The following LRP1B variants were observed in gnomAD, a reference collection of about 807,000 sequenced individuals.
The protein encoded by LRP1B is LDL receptor related protein 1B, also known as low-density lipoprotein receptor-related protein 1B.
Under a neutral mutation model 556.6 loss-of-function variants are expected in LRP1B, and 217 were observed. That is an observed-to-expected ratio of 0.39 (90% CI 0.35 to 0.44). The LOEUF (loss-of-function observed/expected upper bound fraction) is 0.44. LRP1B is among the 20% of genes least tolerant of loss of function. The pLI is 1.00. For synonymous variants in LRP1B, 2,047 were observed against 1,865.8 expected (o/e 1.10, Z -2.50); for missense variants, 5,053 against 5,620.8 (o/e 0.90, Z 3.23).
intron 1 of LRP1B, among the ~76,000 whole-genome samples, chr2:141,884,490 A>T (rs1013582039): frequency 2.6e-5 from 4 of 152,184 alleles, no homozygotes; most frequent in Non-Finnish European, 4.4e-5. Context: ...ACCAAACGAA[A>T]TATGTGCTAC....
intron 62 of LRP1B, among the ~76,000 whole-genome samples, chr2:140,456,216 G>A (rs1440208220): frequency 6.6e-6 from 1 of 152,038 alleles, no homozygotes. Context: ...TATTTATGTG[G>A]ATCTGTGAAA....
At chr2:141,767,867 A>C (rs1421058285) in intron 2 of LRP1B, among the ~76,000 whole-genome samples, 1 of 152,164 alleles carries the variant, frequency 6.6e-6, no homozygotes, top group Non-Finnish European at 1.5e-5. Context: ...GAATCAAAAG[A>C]AGCTAATTTG....
At position 141,247,227 on chromosome 2, in the gene LRP1B, A is replaced by G. The variant is rs781409165; in HGVS notation, c.591T>C (p.Ile197=). ...QPDNRSCKAK[I]EPTDRPPILL... is the part of the protein sequence containing the mutation. ...AAAAAATAAATGGTCATAACTTACC[A>G]ATTTTAGCCTTGCAAGATCTGTTGT... Residue 197 remains isoleucine (I), a splice_region_variant and synonymous_variant, in exon 5 of 91, where the codon ATT becomes ATC. Coordinates refer to ENST00000389484, the MANE Select transcript of LRP1B (RefSeq NM_018557.3). 6.2e-7 allele frequency: 1 copy of G among 1,613,548 alleles called. No homozygotes were observed. Among genetic ancestry groups the G allele is most frequent in the African/African-American group, 1.3e-5 (1 of 74,910 alleles).
At chr2:140,595,111 T>C (rs1309287110) in intron 43 of LRP1B, among the ~76,000 whole-genome samples, 1 of 77,594 alleles carries the variant, frequency 1.3e-5, no homozygotes, top group Admixed American at 1.3e-4. Flanking sequence ...TATATATATA[T>C]ATATATATAT....
At chr2:140,784,729 TA>T (rs57607357) in intron 32 of LRP1B, among the ~76,000 whole-genome samples, 64,110 of 150,600 alleles carry the variant, frequency 0.43, 15,153 homozygotes, top group East Asian at 0.58. Flanking sequence ...GAAGAAAAGG[TA>T]AAAAAAAAAA....
chr2:141,390,897 T>A (rs1690026132), intron 3 of LRP1B, among the ~76,000 whole-genome samples: 1 of 152,146 alleles, frequency 6.6e-6, no homozygotes, highest in Admixed American at 6.6e-5. Flanking sequence ...TTTAAAATAA[T>A]TTTACGTTAT....
intron 6 of LRP1B, among the ~76,000 whole-genome samples, chr2:141,220,670 C>T (rs1357431423): frequency 1.3e-5 from 2 of 150,018 alleles, no homozygotes; most frequent in Non-Finnish European, 3.0e-5. Flanking sequence ...GAGAGAAAGG[C>T]CAGGTCACCT....
chr2:141,754,045 C>T (rs1389125001), intron 2 of LRP1B, among the ~76,000 whole-genome samples: 2 of 152,150 alleles, frequency 1.3e-5, no homozygotes, highest in African/African-American at 2.4e-5. Flanking sequence ...CTAGCATGCC[C>T]TGTACTATTG....
chr2:140,805,848 T>G (rs538268860), intron 32 of LRP1B, among the ~76,000 whole-genome samples: 1 of 152,262 alleles, frequency 6.6e-6, no homozygotes, highest in South Asian at 2.1e-4. Flanking sequence ...TATGTGCTTG[T>G]GTACGTATGT....
At chr2:141,730,591 T>C (rs1341853217) in intron 2 of LRP1B, among the ~76,000 whole-genome samples, 1 of 152,162 alleles carries the variant, frequency 6.6e-6, no homozygotes, top group East Asian at 1.9e-4. Context: ...AGCTACCTAT[T>C]ATACTAGTTG....
chr2:141,418,005 CTA>C (rs1339922907), intron 3 of LRP1B, among the ~76,000 whole-genome samples: 1 of 152,102 alleles, frequency 6.6e-6, no homozygotes, highest in African/African-American at 2.4e-5. Context: ...TTTCATAACT[CTA>C]TTAGTCATTT....
chr2:141,504,882 T>A (rs1181952163), intron 2 of LRP1B, among the ~76,000 whole-genome samples: 1 of 152,102 alleles, frequency 6.6e-6, no homozygotes, highest in African/African-American at 2.4e-5. Context: ...AAAGACTTAG[T>A]TCTTCAGTCT....
chr2:140,679,435 T>A (rs1177022590), intron 41 of LRP1B, among the ~76,000 whole-genome samples: 1 of 152,216 alleles, frequency 6.6e-6, no homozygotes, highest in Non-Finnish European at 1.5e-5. Flanking sequence ...TCTTAACATC[T>A]TTATCATTCT....
At chr2:140,553,222 G>A (rs1455539731) in intron 43 of LRP1B, among the ~76,000 whole-genome samples, 1 of 152,002 alleles carries the variant, frequency 6.6e-6, no homozygotes, top group East Asian at 1.9e-4. Context: ...AATTGGTAAT[G>A]TGGTAAATCA....
chr2:140,953,194 G>A (rs1414232410), intron 18 of LRP1B, among the ~76,000 whole-genome samples: 2 of 152,072 alleles, frequency 1.3e-5, no homozygotes, highest in Non-Finnish European at 2.9e-5. Flanking sequence ...GGGTTCAAGC[G>A]ATTCTCCTGC....
At chr2:140,716,142 G>GA (rs756346319) in intron 36 of LRP1B, 40 bp from the exon 37 acceptor site, 184 of 1,378,544 alleles carry the variant, frequency 1.3e-4, no homozygotes, top group Middle Eastern at 6.7e-4. Flanking sequence ...ACAGTTTTGA[G>GA]AAAAAAAATG....
chr2:140,405,683 A>T (rs1417396414), intron 66 of LRP1B, among the ~76,000 whole-genome samples: 1 of 152,158 alleles, frequency 6.6e-6, no homozygotes, highest in Non-Finnish European at 1.5e-5. Flanking sequence ...ACCAATAACA[A>T]GCTGTGAGAT....
rs986498179 is a variant in LRP1B at position 140,347,594 on chromosome 2, T to C, written c.11892+3203A>G. On this transcript the variant is annotated intron_variant, in intron 77 of 90. Coordinates refer to ENST00000389484, the MANE Select transcript of LRP1B (RefSeq NM_018557.3). ...ACAGATTTTCTACTCTTTATGGAAA[T>C]TGAACTATTCCAATATTTTTAGTAT... 5.9e-5 allele frequency among the ~76,000 whole-genome samples: 9 copies of C among 152,136 alleles called. No individual in the cohort carries two copies. The East Asian group carries it at 1.4e-3, about 23-fold the overall frequency.
intron 3 of LRP1B, among the ~76,000 whole-genome samples, chr2:141,363,852 T>A (rs1368407296): frequency 1.3e-5 from 2 of 152,170 alleles, no homozygotes; most frequent in African/African-American, 4.8e-5. Flanking sequence ...TAAATTCTTT[T>A]CAAATTGCAC....
Sources: gnomAD v4.1 joint callset for allele counts (sites outside exome capture counted in the v4.1 genomes callset) on GRCh38, gnomAD v4.1.1 for gene constraint, MANE v1.5 for transcripts, NCBI Gene and HGNC (gene_info 2026-07-23, HGNC 2026-07-21) for gene names.